PRKACB: variants seen among roughly 807,000 people sequenced by gnomAD.
PRKACB encodes cAMP-dependent protein kinase catalytic subunit beta.
In PRKACB, 16 loss-of-function variants were observed where a neutral mutation model predicts 51.4. That is an observed-to-expected ratio of 0.31 (90% CI 0.21 to 0.47). The LOEUF (loss-of-function observed/expected upper bound fraction) is 0.47. Ranked by LOEUF, PRKACB falls within the 20% of genes least tolerant of loss-of-function variation. The pLI, the probability that PRKACB is intolerant of heterozygous loss-of-function variation, is 1.00. For synonymous variants in PRKACB, 147 were observed against 154.4 expected (o/e 0.95, Z 0.35); for missense variants, 309 against 464.5 (o/e 0.67, Z 3.08).
At chr1:84,141,438 A>G (rs1278285351), upstream of PRKACB, among the ~76,000 whole-genome samples, 10 of 152,132 alleles carry the variant, frequency 6.6e-5, no homozygotes, top group Non-Finnish European at 1.5e-4. Flanking sequence ...AAGTACTTCT[A>G]TAGCAATAGC....
chr1:84,183,892 AAGTT>A (rs1209399614), intron 3 of PRKACB, 141 bp from the exon 4 acceptor site: 24 of 830,766 alleles, frequency 2.9e-5, no homozygotes, highest in Non-Finnish European at 3.9e-5. Context: ...ACCAACCTAA[AAGTT>A]GGTAATTGTT....
At chr1:84,196,797 TTGTA>T in intron 6 of PRKACB, 55 bp downstream of exon 6, 5 of 1,506,862 alleles carry the variant, frequency 3.3e-6, no homozygotes, top group Non-Finnish European at 4.5e-6. Flanking sequence ...AGGCAAGACA[TTGTA>T]TGTATGTAAC....
chr1:84,128,394 C>A (rs1195557466), intron 1 of PRKACB, among the ~76,000 whole-genome samples: 2 of 152,116 alleles, frequency 1.3e-5, no homozygotes, highest in Admixed American at 1.3e-4. Flanking sequence ...CTATAGCATT[C>A]TGTCCAAATT....
chr1:84,195,079 A>G (rs1408872356), intron 5 of PRKACB, among the ~76,000 whole-genome samples: 1 of 152,206 alleles, frequency 6.6e-6, no homozygotes, highest in African/African-American at 2.4e-5. Context: ...TTACAGATGC[A>G]TGGATAAAGT....
chr1:84,180,843 G>A (rs2100978400), intron 2 of PRKACB, among the ~76,000 whole-genome samples: 1 of 151,902 alleles, frequency 6.6e-6, no homozygotes, highest in East Asian at 1.9e-4. Context: ...ATAATACAAA[G>A]AAAAGCAATG....
chr1:84,216,275 G>T (rs1672864803), intron 9 of PRKACB, among the ~76,000 whole-genome samples: 1 of 152,080 alleles, frequency 6.6e-6, no homozygotes, highest in Admixed American at 6.6e-5. Context: ...GGAGATTGGG[G>T]CTACGGTGAG....
intron 1 of PRKACB, among the ~76,000 whole-genome samples, chr1:84,151,082 A>C (rs1654806500): frequency 6.6e-6 from 1 of 152,194 alleles, no homozygotes; most frequent in African/African-American, 2.4e-5. Context: ...CAAAAAATTT[A>C]AGATTGAATC....
At chr1:84,169,603 A>C (rs1403101527) in intron 1 of PRKACB, among the ~76,000 whole-genome samples, 1 of 151,712 alleles carries the variant, frequency 6.6e-6, no homozygotes, top group Non-Finnish European at 1.5e-5. Flanking sequence ...AAGCAGGACA[A>C]GAAATTATAA....
intron 7 of PRKACB, among the ~76,000 whole-genome samples, chr1:84,200,390 G>A (rs1490325609): frequency 6.6e-6 from 1 of 152,044 alleles, no homozygotes; most frequent in African/African-American, 2.4e-5. Context: ...TTAGACCTTT[G>A]GCAGATGCAT....
chr1:84,180,134 T>G (rs1451023841), intron 2 of PRKACB, among the ~76,000 whole-genome samples: 30 of 122,936 alleles, frequency 2.4e-4, no homozygotes, highest in Non-Finnish European at 3.8e-4. Flanking sequence ...TGCAAAATAG[T>G]GGAACCAATG....
At chr1:84,144,870 A>G (rs1653828922) in intron 1 of PRKACB, among the ~76,000 whole-genome samples, 1 of 152,156 alleles carries the variant, frequency 6.6e-6, no homozygotes, top group Admixed American at 6.5e-5. Flanking sequence ...TTCAGAAACA[A>G]CCATCTGTTT....
At chr1:84,185,215 A>G (rs139512414) in intron 5 of PRKACB, 33 bp downstream of exon 5, 2,080 of 1,409,044 alleles carry the variant, frequency 1.5e-3, no homozygotes, top group Non-Finnish European at 1.8e-3. Flanking sequence ...TCAAATCTTT[A>G]TATGCTTGTG....
chr1:84,083,062 ATT>A (rs971025658), intron 1 of PRKACB, among the ~76,000 whole-genome samples: 4 of 152,210 alleles, frequency 2.6e-5, no homozygotes, highest in African/African-American at 9.6e-5. Flanking sequence ...TAGAAATAAA[ATT>A]TTGTGATTTT....
rs1252774075 is a variant in PRKACB at position 84,235,448 on chromosome 1, C to T, written c.*143C>T. ...AGTGAGGTCTTTATTGCCATCATCC[C>T]GTGTGCGCACTCTGCATCCACCTAT... On this transcript the variant is annotated 3_prime_UTR_variant, in exon 10 of 10. Transcript: ENST00000370685. The T allele has an allele frequency of 7.6e-5, 79 of 1,040,288 alleles. No individual in the cohort carries two copies. The Middle Eastern group carries it at 8.3e-4, about 11-fold the overall frequency. The allele number at this position is 1,040,288 out of a possible 1,614,324, so 64.4% of individuals were successfully genotyped here. A position where few individuals can be genotyped will look rare whatever the true frequency, so the allele number is the denominator to read the frequency against.
chr1:84,164,330 T>A (rs1656712554), intron 1 of PRKACB: 3 of 1,543,852 alleles, frequency 1.9e-6, no homozygotes, highest in South Asian at 1.2e-5. Flanking sequence ...ATCAGTGAGG[T>A]CCACAGCTAG....
chr1:84,228,727 A>G (rs1242722162), intron 9 of PRKACB, among the ~76,000 whole-genome samples: 1 of 152,188 alleles, frequency 6.6e-6, no homozygotes, highest in Admixed American at 6.5e-5. Context: ...GATATTTTAA[A>G]CAAAATAAAC....
intron 1 of PRKACB, among the ~76,000 whole-genome samples, chr1:84,109,962 T>G (rs1353347273): frequency 6.6e-6 from 1 of 151,986 alleles, no homozygotes; most frequent in Non-Finnish European, 1.5e-5. Context: ...GTATATGTTT[T>G]ATGGCTTTTG....
At chr1:84,127,663 T>C (rs1334573115) in intron 1 of PRKACB, among the ~76,000 whole-genome samples, 8 of 151,830 alleles carry the variant, frequency 5.3e-5, no homozygotes, top group African/African-American at 1.7e-4. Context: ...TTATATTTGA[T>C]AGCTATAGAC....
At chr1:84,092,550 A>G (rs1357884546) in intron 1 of PRKACB, among the ~76,000 whole-genome samples, 1 of 152,172 alleles carries the variant, frequency 6.6e-6, no homozygotes, top group Non-Finnish European at 1.5e-5. Context: ...GTATACACTC[A>G]TACATACATG....
Sources: gnomAD v4.1 joint callset for allele counts (sites outside exome capture counted in the v4.1 genomes callset) on GRCh38, gnomAD v4.1.1 for gene constraint, MANE v1.5 for transcripts, NCBI Gene and HGNC (gene_info 2026-07-23, HGNC 2026-07-21) for gene names.